Variants in FUBP3 observed in about 807,000 individuals in gnomAD.
The protein encoded by FUBP3 is far upstream element binding protein 3.
FUBP3 carries 28 observed loss-of-function variants against 85.6 expected under a neutral mutation model. That is an observed-to-expected ratio of 0.33 (90% CI 0.24 to 0.45). The LOEUF (loss-of-function observed/expected upper bound fraction) is 0.45. Ranked by LOEUF, FUBP3 falls within the 20% of genes least tolerant of loss-of-function variation. The probability of loss-of-function intolerance (pLI) is 1.00; values close to 1 mark genes in which losing one functional copy is unlikely to be tolerated. For synonymous variants in FUBP3, 271 were observed against 271.4 expected, an observed-to-expected ratio of 1.00 and a Z score of 0.01; for missense variants, 583 against 755.1, an observed-to-expected ratio of 0.77 and a Z score of 2.67.
chr9:130,609,997 G>C lies in FUBP3; in HGVS notation c.224+10G>C. On this transcript the variant is annotated intron_variant, in intron 3 of 18. Coordinates refer to ENST00000319725, the MANE Select transcript of FUBP3 (RefSeq NM_003934.2). ...CCTTGGTACATCAAAGGTAAGCAGTGGGTTACGTTTTATTATTTATTGATC... is the reference window on the plus strand; with the variant it reads ...CCTTGGTACATCAAAGGTAAGCAGTCGGTTACGTTTTATTATTTATTGATC... 1 of 1,584,754 alleles carries C rather than the reference G, an allele frequency of 6.3e-7. No individual in the cohort carries two copies. Among genetic ancestry groups the C allele is most frequent in the Non-Finnish European group, 8.7e-7 (1 of 1,153,718 alleles).
intron 2 of FUBP3, among the ~76,000 whole-genome samples, chr9:130,600,738 C>T (rs767701976): frequency 2.0e-5 from 3 of 152,102 alleles, no homozygotes; most frequent in East Asian, 1.9e-4. Flanking sequence ...TTTGGGAGGC[C>T]GAGGTGGGAG....
chr9:130,586,749 C>CT (rs34911755), intron 1 of FUBP3, among the ~76,000 whole-genome samples: 2,425 of 113,286 alleles, frequency 0.021, 80 homozygotes, highest in African/African-American at 0.051. Flanking sequence ...AAGCAGCAAT[C>CT]TTTTTTTTTT....
intron 8 of FUBP3, among the ~76,000 whole-genome samples, chr9:130,620,025 TG>T (rs1181713751): frequency 2.6e-5 from 4 of 152,200 alleles, no homozygotes; most frequent in African/African-American, 9.7e-5. Flanking sequence ...TCCACTTTAT[TG>T]ATCAGAAAGA....
At chr9:130,626,724 G>T (rs1487836500) in intron 12 of FUBP3, among the ~76,000 whole-genome samples, 2 of 152,194 alleles carry the variant, frequency 1.3e-5, no homozygotes, top group African/African-American at 4.8e-5. Context: ...ATTATTTCTG[G>T]TGAGTATGAA....
At chr9:130,619,562 GT>G (rs1288360020) in intron 8 of FUBP3, among the ~76,000 whole-genome samples, 1 of 152,130 alleles carries the variant, frequency 6.6e-6, no homozygotes, top group African/African-American at 2.4e-5. Context: ...ATGTCCTAAG[GT>G]TGTCCTAAGA....
intron 2 of FUBP3, among the ~76,000 whole-genome samples, chr9:130,600,260 C>T (rs925491975): frequency 2.6e-5 from 4 of 152,064 alleles, no homozygotes; most frequent in Admixed American, 6.6e-5. Flanking sequence ...TACTGGGTCC[C>T]GCTGTGCACC....
At chr9:130,619,887 C>G (rs1829668682) in intron 8 of FUBP3, among the ~76,000 whole-genome samples, 1 of 152,184 alleles carries the variant, frequency 6.6e-6, no homozygotes, top group Admixed American at 6.5e-5. Context: ...TTCTTTTTAA[C>G]TTACTGGAGT....
intron 2 of FUBP3, among the ~76,000 whole-genome samples, chr9:130,600,458 G>A (rs1033691674): frequency 6.6e-6 from 1 of 152,180 alleles, no homozygotes; most frequent in Non-Finnish European, 1.5e-5. Flanking sequence ...TGATTTAGAA[G>A]TGCGAATTTA....
chr9:130,579,655 CGGCGGCGACGGCGGCGGG>C lies in FUBP3; in HGVS notation c.-20_-3del, dbSNP rs994323857. The C allele has an allele frequency of 6.0e-5, 72 of 1,193,894 alleles. No individual in the cohort carries two copies. The highest frequency in any genetic ancestry group is 1.1e-4 in the African/African-American group (7 of 63,586). The allele number at this position is 1,193,894 out of a possible 1,614,324, so 74.0% of individuals were successfully genotyped here. On this transcript the variant is annotated 5_prime_UTR_variant, in exon 1 of 19. Transcript: ENST00000319725. ...GCGGCGGCGTCGGCGGCGTCGGCGG[CGGCGGCGACGGCGGCGGG>C]GGCGGTAATGGCGGAGCTGGTGCAG...
At chr9:130,622,630 CAAAAA>C in intron 9 of FUBP3, 73 bp from the exon 10 acceptor site, 2 of 506,912 alleles carry the variant, frequency 3.9e-6, no homozygotes, top group Non-Finnish European at 3.4e-6. Flanking sequence ...GACTCAGTCT[CAAAAA>C]AAAAAAAAAA....
At chr9:130,606,311 A>T (rs1831429382) in intron 2 of FUBP3, among the ~76,000 whole-genome samples, 1 of 151,904 alleles carries the variant, frequency 6.6e-6, no homozygotes, top group Non-Finnish European at 1.5e-5. Flanking sequence ...AGGAGGGGGG[A>T]TTGTTTTCAA....
At chr9:130,610,886 G>T (rs1158460571) in intron 3 of FUBP3, among the ~76,000 whole-genome samples, 3 of 152,112 alleles carry the variant, frequency 2.0e-5, no homozygotes, top group Non-Finnish European at 4.4e-5. Flanking sequence ...GTTTGTTGAT[G>T]AACTGAAAAA....
chr9:130,592,584 T>A (rs1010812716), intron 1 of FUBP3, among the ~76,000 whole-genome samples: 1 of 152,214 alleles, frequency 6.6e-6, no homozygotes, highest in African/African-American at 2.4e-5. Context: ...TCTCGCTCCA[T>A]CTTCCAGCTG....
chr9:130,602,268 G>C (rs1020175390), intron 2 of FUBP3, among the ~76,000 whole-genome samples: 1 of 152,188 alleles, frequency 6.6e-6, no homozygotes, highest in African/African-American at 2.4e-5. Flanking sequence ...TCATGGATGA[G>C]GGGGAACTGC....
chr9:130,614,927 A>C (rs1459963912), intron 6 of FUBP3, among the ~76,000 whole-genome samples: 1 of 152,224 alleles, frequency 6.6e-6, no homozygotes, highest in Non-Finnish European at 1.5e-5. Flanking sequence ...TACCAGGTGC[A>C]GGTGTCATAA....
intron 3 of FUBP3, among the ~76,000 whole-genome samples, chr9:130,610,484 A>C (rs1403313978): frequency 6.6e-6 from 1 of 152,174 alleles, no homozygotes; most frequent in Non-Finnish European, 1.5e-5. Context: ...CTTGCCAGAG[A>C]GCCTCAGCCC....
chr9:130,617,696 A>T, intron 7 of FUBP3, 101 bp from the exon 8 acceptor site: 6 of 801,656 alleles, frequency 7.5e-6, no homozygotes. Flanking sequence ...GGTAGGTGGG[A>T]TGTGCGCTTA....
intron 11 of FUBP3, among the ~76,000 whole-genome samples, chr9:130,625,004 G>T (rs1461464886): frequency 6.6e-6 from 1 of 152,196 alleles, no homozygotes; most frequent in African/African-American, 2.4e-5. Flanking sequence ...TGGATCACCT[G>T]AGGTCAGGAG....
chr9:130,613,124 A>G (rs767100316), intron 5 of FUBP3, 97 bp downstream of exon 5: 2 of 740,540 alleles, frequency 2.7e-6, no homozygotes, highest in Non-Finnish European at 4.7e-6. Context: ...GGGTAAGTAT[A>G]TGCGATTAGT....
Sources: gnomAD v4.1 joint callset for allele counts (sites outside exome capture counted in the v4.1 genomes callset) on GRCh38, gnomAD v4.1.1 for gene constraint, MANE v1.5 for transcripts, NCBI Gene and HGNC (gene_info 2026-07-23, HGNC 2026-07-21) for gene names.